The following KIFAP3 variants were observed in gnomAD, a reference collection of about 807,000 sequenced individuals.
KIFAP3 encodes the protein kinesin-associated protein 3.
KIFAP3 carries 68 observed loss-of-function variants against 106.5 expected under a neutral mutation model. The observed-to-expected ratio is 0.64, with a 90% CI of 0.53 to 0.78. KIFAP3 has a LOEUF of 0.78. Among genes scored for constraint, KIFAP3 ranks in the 30% least tolerant of loss-of-function variants. The probability of loss-of-function intolerance (pLI) is 0.00; values close to 1 mark genes in which losing one functional copy is unlikely to be tolerated. For missense variants in KIFAP3, 780 were observed against 941.8 expected (o/e 0.83, Z 2.25); for synonymous variants, 320 against 311.5 (o/e 1.03, Z -0.29).
At chr1:170,066,242 A>T (rs1472586988) in intron 1 of KIFAP3, among the ~76,000 whole-genome samples, 1 of 147,942 alleles carries the variant, frequency 6.8e-6, no homozygotes, top group African/African-American at 2.5e-5. Flanking sequence ...ATAAACTCAC[A>T]CAAAAATTTC....
At chr1:169,930,711 C>T (rs1252738715) in intron 19 of KIFAP3, among the ~76,000 whole-genome samples, 3 of 152,148 alleles carry the variant, frequency 2.0e-5, no homozygotes, top group South Asian at 2.1e-4. Flanking sequence ...TCTTCCTTTA[C>T]CAAATAACTC....
intron 1 of KIFAP3, among the ~76,000 whole-genome samples, chr1:170,066,881 C>T (rs1671473361): frequency 6.6e-6 from 1 of 152,098 alleles, no homozygotes; most frequent in Non-Finnish European, 1.5e-5. Context: ...GTAATCCTTA[C>T]TAACATAAAT....
intron 10 of KIFAP3, among the ~76,000 whole-genome samples, chr1:170,001,514 C>T (rs547119671): frequency 1.2e-4 from 18 of 152,260 alleles, no homozygotes; most frequent in Admixed American, 3.9e-4. Flanking sequence ...CATGTGCTTT[C>T]TGTTAAACTG....
At chr1:170,008,960 C>G (rs1242458909) in intron 10 of KIFAP3, among the ~76,000 whole-genome samples, 1 of 152,164 alleles carries the variant, frequency 6.6e-6, no homozygotes, top group East Asian at 1.9e-4. Context: ...GAGATCATGT[C>G]CTTTGCAGGG....
At chr1:169,997,525 C>T (rs71635639) in intron 10 of KIFAP3, among the ~76,000 whole-genome samples, 4 of 152,066 alleles carry the variant, frequency 2.6e-5, no homozygotes, top group Non-Finnish European at 4.4e-5. Context: ...GAGGTATACT[C>T]TGAGCCTATG....
intron 9 of KIFAP3, among the ~76,000 whole-genome samples, chr1:170,016,919 C>A (rs1668550997): frequency 6.6e-6 from 1 of 152,148 alleles, no homozygotes; most frequent in African/African-American, 2.4e-5. Flanking sequence ...GTACCAGGCC[C>A]TATGCAAAGA....
intron 10 of KIFAP3, among the ~76,000 whole-genome samples, chr1:169,994,645 A>G (rs771066982): frequency 6.6e-6 from 1 of 152,082 alleles, no homozygotes; most frequent in Non-Finnish European, 1.5e-5. Flanking sequence ...CACTAATTCA[A>G]CTATTTGGAA....
In KIFAP3 at chr1:169,981,991, T is replaced by A; in HGVS notation, c.1779A>T (p.Ala593=). 1.9e-6 allele frequency: 3 copies of A among 1,613,218 alleles called. No individual in the cohort carries two copies. Reference sequence around the variant, plus strand: ...ATTTACCATTTAGCAATTCAATGAGTGCAGGGATTATGCCAGATTTGGCTA... The same window carrying A: ...ATTTACCATTTAGCAATTCAATGAGAGCAGGGATTATGCCAGATTTGGCTA... ...ALLAKSGIIP[A]LIELLNAQQE... is the part of the protein sequence containing the mutation. The change falls in exon 15 of 20, where the codon GCA becomes GCT. Residue 593 remains alanine (A), a synonymous_variant. Transcript: ENST00000361580.
chr1:169,933,805 G>T (rs1421005005), intron 19 of KIFAP3, among the ~76,000 whole-genome samples: 1 of 151,980 alleles, frequency 6.6e-6, no homozygotes, highest in Non-Finnish European at 1.5e-5. Flanking sequence ...TACAAACTAT[G>T]AACTTATCAA....
At chr1:169,973,124 A>ATATATATATATATATATATATAG (rs1361338751) in intron 16 of KIFAP3, among the ~76,000 whole-genome samples, 1,776 of 47,232 alleles carry the variant, frequency 0.038, 113 homozygotes, top group Non-Finnish European at 0.047. Flanking sequence ...TATATATATA[A>ATATATATATATATATATATATAG]ACAACACAAA....
intron 9 of KIFAP3, among the ~76,000 whole-genome samples, chr1:170,023,372 G>C (rs939276200): frequency 1.3e-5 from 2 of 151,998 alleles, no homozygotes; most frequent in Non-Finnish European, 2.9e-5. Context: ...AAATAAAATA[G>C]AGTAGGTAGA....
intron 19 of KIFAP3, among the ~76,000 whole-genome samples, chr1:169,936,502 G>A (rs1663808457): frequency 6.6e-6 from 1 of 151,766 alleles, no homozygotes; most frequent in Non-Finnish European, 1.5e-5. Flanking sequence ...GACCATCAAA[G>A]TACGATGTTT....
rs202015317 is a variant in KIFAP3, at chr1:170,074,468, G to GGCGGCA, written c.-7_-2dup. 0.033 allele frequency: 53,211 copies of GGCGGCA among 1,613,982 alleles called. 1,008 individuals are homozygous for GGCGGCA. Among genetic ancestry groups the GGCGGCA allele is most frequent in the Non-Finnish European group, 0.039 (45,442 of 1,179,912 alleles). On this transcript the variant is annotated 5_prime_UTR_variant, in exon 1 of 20. Transcript: ENST00000361580. ...GGTATCTGGCGTCCTCCCCTTGCAT[G>GGCGGCA]GCGGCAGCGGCAGCGGCGTGGAGAG...
At chr1:170,004,309 C>T (rs1036883691) in intron 10 of KIFAP3, among the ~76,000 whole-genome samples, 5 of 152,168 alleles carry the variant, frequency 3.3e-5, no homozygotes, top group African/African-American at 7.2e-5. Flanking sequence ...TCAATGCCAT[C>T]GCCATCAAGC....
intron 19 of KIFAP3, among the ~76,000 whole-genome samples, chr1:169,939,665 C>T (rs1664001500): frequency 6.6e-6 from 1 of 151,972 alleles, no homozygotes; most frequent in African/African-American, 2.4e-5. Context: ...AAGTAACCAG[C>T]ATTTAAATGT....
intron 19 of KIFAP3, among the ~76,000 whole-genome samples, chr1:169,927,545 T>C (rs1230581501): frequency 6.6e-6 from 1 of 152,224 alleles, no homozygotes; most frequent in African/African-American, 2.4e-5. Context: ...TCTTTCCCAT[T>C]AGAAAATAAA....
intron 19 of KIFAP3, among the ~76,000 whole-genome samples, chr1:169,931,085 A>G (rs1489791074): frequency 6.6e-6 from 1 of 151,694 alleles, no homozygotes; most frequent in Non-Finnish European, 1.5e-5. Context: ...ATGCCTGGCT[A>G]ATTTTTGTAT....
intron 19 of KIFAP3, among the ~76,000 whole-genome samples, chr1:169,946,889 T>C (rs1249823661): frequency 6.6e-6 from 1 of 151,958 alleles, no homozygotes; most frequent in Non-Finnish European, 1.5e-5. Flanking sequence ...ATGTAAAGAT[T>C]ATGTAAGATC....
At chr1:169,936,883 A>C (rs1189077606) in intron 19 of KIFAP3, among the ~76,000 whole-genome samples, 1 of 151,004 alleles carries the variant, frequency 6.6e-6, no homozygotes, top group African/African-American at 2.4e-5. Flanking sequence ...TCCAATAGAC[A>C]AATATTATTT....
Sources: gnomAD v4.1 joint callset for allele counts (sites outside exome capture counted in the v4.1 genomes callset) on GRCh38, gnomAD v4.1.1 for gene constraint, MANE v1.5 for transcripts, NCBI Gene and HGNC (gene_info 2026-07-23, HGNC 2026-07-21) for gene names.